NELL1: variants seen among roughly 807,000 people sequenced by gnomAD.
NELL1 encodes the protein protein kinase C-binding protein NELL1.
NELL1 carries 76 observed loss-of-function variants against 107.4 expected under a neutral mutation model. That is an observed-to-expected ratio of 0.71 (90% confidence interval 0.59 to 0.86). The LOEUF (loss-of-function observed/expected upper bound fraction) is 0.86. NELL1 is among the 40% of genes least tolerant of loss of function. NELL1 has a pLI of 0.00. For synonymous variants in NELL1, 353 were observed against 341.2 expected (o/e 1.03, Z -0.38); for missense variants, 1,024 against 1,005.5 (o/e 1.02, Z -0.25).
chr11:21,515,792 C>A (rs1376146800), intron 15 of NELL1, among the ~76,000 whole-genome samples: 1 of 152,096 alleles, frequency 6.6e-6, no homozygotes, highest in Non-Finnish European at 1.5e-5. Context: ...GATTTTGAAG[C>A]CAGAACATTG....
chr11:21,258,947 G>A (rs985239246), intron 14 of NELL1, among the ~76,000 whole-genome samples: 3 of 151,914 alleles, frequency 2.0e-5, no homozygotes, highest in Non-Finnish European at 4.4e-5. Context: ...TTAGGAAATA[G>A]AGAACCAGGA....
At chr11:21,036,992 T>C (rs1269080686) in intron 12 of NELL1, among the ~76,000 whole-genome samples, 1 of 152,086 alleles carries the variant, frequency 6.6e-6, no homozygotes, top group East Asian at 1.9e-4. Context: ...TTTTTTCTTA[T>C]TCATCTAGTA....
intron 4 of NELL1, among the ~76,000 whole-genome samples, chr11:20,849,872 C>T (rs1424515610): frequency 6.6e-6 from 1 of 152,082 alleles, no homozygotes; most frequent in South Asian, 2.1e-4. Flanking sequence ...AATGGATAAC[C>T]AGGCTTTGCC....
At chr11:20,839,917 A>T (rs1848592421) in intron 3 of NELL1, among the ~76,000 whole-genome samples, 1 of 152,242 alleles carries the variant, frequency 6.6e-6, no homozygotes, top group African/African-American at 2.4e-5. Context: ...GAACCCAAAG[A>T]TATCTGATTT....
intron 14 of NELL1, among the ~76,000 whole-genome samples, chr11:21,356,118 A>G (rs939096946): frequency 1.3e-5 from 2 of 152,158 alleles, no homozygotes; most frequent in African/African-American, 4.8e-5. Context: ...ATCACTTGCT[A>G]TCATCTAATA....
intron 2 of NELL1, among the ~76,000 whole-genome samples, chr11:20,761,336 C>G (rs1429795): frequency 0.61 from 92,036 of 152,050 alleles, 28,810 homozygotes; most frequent in Middle Eastern, 0.76. Flanking sequence ...CAGTTCAAGG[C>G]TACCTGGCGT....
At chr11:20,759,613 A>G (rs327029) in intron 2 of NELL1, among the ~76,000 whole-genome samples, 1 of 152,124 alleles carries the variant, frequency 6.6e-6, no homozygotes, top group Admixed American at 6.5e-5. Context: ...TTCATCCACC[A>G]CTGGGCAGGT....
At chr11:20,762,754 G>A (rs1564898535) in intron 2 of NELL1, among the ~76,000 whole-genome samples, 1 of 151,940 alleles carries the variant, frequency 6.6e-6, no homozygotes, top group Non-Finnish European at 1.5e-5. Flanking sequence ...TTATTCTGTG[G>A]TTGATCAAAA....
intron 2 of NELL1, among the ~76,000 whole-genome samples, chr11:20,733,150 C>T (rs1855685728): frequency 6.6e-6 from 1 of 152,176 alleles, no homozygotes. Context: ...TCCTCTTCCT[C>T]CCTGCCATCC....
intron 13 of NELL1, among the ~76,000 whole-genome samples, chr11:21,160,348 G>T (rs1856335636): frequency 6.6e-6 from 1 of 152,134 alleles, no homozygotes. Flanking sequence ...CCTGGGTATT[G>T]TTTGAAATGT....
chr11:20,687,596 A>ATT (rs34011831), intron 2 of NELL1, among the ~76,000 whole-genome samples: 30 of 146,716 alleles, frequency 2.0e-4, no homozygotes, highest in Admixed American at 4.1e-4. Context: ...ACTAAACTAA[A>ATT]TTTTTTTTTT....
At chr11:20,998,373 T>C (rs999111087) in intron 12 of NELL1, among the ~76,000 whole-genome samples, 6 of 152,218 alleles carry the variant, frequency 3.9e-5, no homozygotes, top group African/African-American at 1.4e-4. Context: ...ATAAGCTTTT[T>C]TTCATTTTGT....
At chr11:20,734,535 G>T (rs1433492912) in intron 2 of NELL1, among the ~76,000 whole-genome samples, 1 of 152,092 alleles carries the variant, frequency 6.6e-6, no homozygotes, top group African/African-American at 2.4e-5. Flanking sequence ...ACAACAGGAT[G>T]GATTGGATGT....
At chr11:21,252,554 G>A (rs994141391) in intron 14 of NELL1, among the ~76,000 whole-genome samples, 4 of 152,098 alleles carry the variant, frequency 2.6e-5, no homozygotes, top group African/African-American at 9.7e-5. Flanking sequence ...ATAGCAGTTT[G>A]AACCTCAAAA....
rs112042352 is a variant in NELL1, at chr11:20,997,654, G to T, written c.1300+37094G>T. 6.3e-3 allele frequency among the ~76,000 whole-genome samples: 961 copies of T among 152,284 alleles called. 4 individuals carry two copies. The highest frequency in any genetic ancestry group is 0.01 in the Middle Eastern group (3 of 294). ...TCTGTACTATCTTTACAACTTTTTT[G>T]TGTGTGTAAAATTATTCCCACGTAG... On this transcript the variant is annotated intron_variant, in intron 12 of 19. Transcript: ENST00000357134.
chr11:21,463,973 A>G (rs1199410282), intron 15 of NELL1, among the ~76,000 whole-genome samples: 2 of 152,080 alleles, frequency 1.3e-5, no homozygotes, highest in African/African-American at 4.8e-5. Flanking sequence ...ACACTCTGGA[A>G]CAGAGCAAAT....
intron 15 of NELL1, among the ~76,000 whole-genome samples, chr11:21,382,411 C>T (rs547783479): frequency 6.6e-6 from 1 of 152,012 alleles, no homozygotes; most frequent in East Asian, 1.9e-4. Flanking sequence ...TATCTTGTTA[C>T]ATTACATTTG....
At chr11:21,190,494 G>A (rs1418140136) in intron 13 of NELL1, among the ~76,000 whole-genome samples, 2 of 151,804 alleles carry the variant, frequency 1.3e-5, no homozygotes, top group Middle Eastern at 3.2e-3. Flanking sequence ...CAAGGGATAG[G>A]AACTGACCCT....
At chr11:21,453,853 CT>C (rs978810301) in intron 15 of NELL1, among the ~76,000 whole-genome samples, 1 of 146,574 alleles carries the variant, frequency 6.8e-6, no homozygotes, top group African/African-American at 2.5e-5. Context: ...CAATACACAT[CT>C]TTAGCTACCT....
Sources: allele counts gnomAD v4.1 joint callset (sites outside exome capture counted in the v4.1 genomes callset), GRCh38; gene constraint gnomAD v4.1.1; transcripts MANE v1.5; gene names NCBI Gene and HGNC (gene_info 2026-07-23, HGNC 2026-07-21).